The following DGKB variants were observed in gnomAD, a reference collection of about 807,000 sequenced individuals.
DGKB encodes diacylglycerol kinase beta.
A neutral mutation model predicts 114.3 loss-of-function variants in DGKB; 67 were observed. The observed-to-expected ratio is 0.59, with a 90% CI of 0.48 to 0.72. The LOEUF is 0.72. Among genes scored for constraint, DGKB ranks in the 30% least tolerant of loss-of-function variants. The probability of loss-of-function intolerance (pLI) is 0.00; values close to 1 mark genes in which losing one functional copy is unlikely to be tolerated. For synonymous variants in DGKB, 398 were observed against 323.1 expected (o/e 1.23, Z -2.49); for missense variants, 907 against 975.2 (o/e 0.93, Z 0.93).
chr7:14,661,168 C>A (rs1816987181), intron 13 of DGKB, among the ~76,000 whole-genome samples: 1 of 151,670 alleles, frequency 6.6e-6, no homozygotes, highest in Non-Finnish European at 1.5e-5. Flanking sequence ...TCTAAAACAC[C>A]AAAAGCAATG....
intron 1 of DGKB, among the ~76,000 whole-genome samples, chr7:14,899,830 C>G (rs1334528779): frequency 6.6e-6 from 1 of 152,066 alleles, no homozygotes; most frequent in East Asian, 1.9e-4. Context: ...TATGCTCAAC[C>G]CCACCCTGAT....
chr7:14,150,688 T>C (rs1782059360), intron 25 of DGKB, among the ~76,000 whole-genome samples: 1 of 152,070 alleles, frequency 6.6e-6, no homozygotes, highest in Non-Finnish European at 1.5e-5. Flanking sequence ...AATTGATAGT[T>C]GGATAGTTAA....
At chr7:14,585,726 T>A (rs2128733735) in intron 17 of DGKB, among the ~76,000 whole-genome samples, 1 of 152,334 alleles carries the variant, frequency 6.6e-6, no homozygotes, top group East Asian at 1.9e-4. Context: ...ATCAGTGCCA[T>A]GTTTTCCAAC....
At chr7:14,307,897 C>G (rs1406712416) in intron 23 of DGKB, among the ~76,000 whole-genome samples, 1 of 152,114 alleles carries the variant, frequency 6.6e-6, no homozygotes, top group Non-Finnish European at 1.5e-5. Flanking sequence ...TTCTCCCCAG[C>G]TCACATGTGT....
At chr7:14,376,266 G>C (rs1363027734) in intron 21 of DGKB, among the ~76,000 whole-genome samples, 59 of 152,100 alleles carry the variant, frequency 3.9e-4, no homozygotes, top group Non-Finnish European at 4.4e-5. Context: ...ATTTTTCATG[G>C]TTCACCAAGA....
chr7:14,555,646 C>T (rs886912289), intron 20 of DGKB, among the ~76,000 whole-genome samples: 3 of 152,184 alleles, frequency 2.0e-5, no homozygotes, highest in South Asian at 4.1e-4. Flanking sequence ...CATTCTCAGA[C>T]AGTTAAGAAA....
chr7:14,485,185 A>T (rs2128920743), intron 20 of DGKB, among the ~76,000 whole-genome samples: 1 of 150,778 alleles, frequency 6.6e-6, no homozygotes, highest in Admixed American at 6.6e-5. Context: ...TAGGGAGTTG[A>T]TGTTACAGTG....
intron 2 of DGKB, among the ~76,000 whole-genome samples, chr7:14,783,288 A>G (rs934043715): frequency 2.6e-5 from 4 of 152,206 alleles, no homozygotes; most frequent in Non-Finnish European, 5.9e-5. Flanking sequence ...TTCTTATACC[A>G]AAGAGAATAC....
chr7:14,198,481 T>C (rs10280147), intron 23 of DGKB, among the ~76,000 whole-genome samples: 2,631 of 151,954 alleles, frequency 0.017, 83 homozygotes, highest in African/African-American at 0.06. Context: ...CCAACTTCCA[T>C]AGGGTGAAAC....
At chr7:14,818,445 GCCCACTGTGTT>G (rs1157976032) in intron 2 of DGKB, among the ~76,000 whole-genome samples, 1 of 152,076 alleles carries the variant, frequency 6.6e-6, no homozygotes, top group Non-Finnish European at 1.5e-5. Context: ...AGGCTGTGTG[GCCCACTGTGTT>G]CCCCAGCGGA....
At chr7:14,333,213 C>G (rs2215038) in intron 23 of DGKB, among the ~76,000 whole-genome samples, 23,242 of 152,038 alleles carry the variant, frequency 0.15, 2,062 homozygotes, top group Non-Finnish European at 0.21. Context: ...AATCTCAGCA[C>G]TTTGGGAGGC....
chr7:14,167,092 T>C (rs1420265963), intron 25 of DGKB, among the ~76,000 whole-genome samples: 1 of 150,596 alleles, frequency 6.6e-6, no homozygotes, highest in Non-Finnish European at 1.5e-5. Flanking sequence ...GTGCCTGTAG[T>C]CCCAGCTACT....
At chr7:14,919,095 A>ACACAAACACACACACACAC (rs1554345122) in intron 1 of DGKB, among the ~76,000 whole-genome samples, 1 of 114,918 alleles carries the variant, frequency 8.7e-6, no homozygotes, top group East Asian at 3.1e-4. Context: ...CACACACACA[A>ACACAAACACACACACACAC]ACACACACAC....
At chr7:14,725,616 A>G (rs542645117) in intron 5 of DGKB, among the ~76,000 whole-genome samples, 2 of 151,402 alleles carry the variant, frequency 1.3e-5, no homozygotes, top group South Asian at 4.2e-4. Context: ...GTGCAGTGGC[A>G]TGTTCACTAC....
chr7:14,496,919 G>A (rs543777088), intron 20 of DGKB, among the ~76,000 whole-genome samples: 7 of 151,708 alleles, frequency 4.6e-5, no homozygotes, highest in Non-Finnish European at 1.0e-4. Flanking sequence ...GGTGCTTCAA[G>A]GTCTATATTG....
At chr7:14,230,970 T>A (rs991871705) in intron 23 of DGKB, among the ~76,000 whole-genome samples, 1 of 152,080 alleles carries the variant, frequency 6.6e-6, no homozygotes, top group African/African-American at 2.4e-5. Context: ...GTGTCTTGAC[T>A]ACTATTATGC....
At chr7:14,174,551 T>C (rs998688720) in intron 25 of DGKB, among the ~76,000 whole-genome samples, 6 of 152,156 alleles carry the variant, frequency 3.9e-5, no homozygotes, top group African/African-American at 1.4e-4. Flanking sequence ...TTTATTTCTT[T>C]GATTTACTTA....
At chr7:14,540,480 C>G (rs1299272577) in intron 20 of DGKB, among the ~76,000 whole-genome samples, 2 of 152,094 alleles carry the variant, frequency 1.3e-5, no homozygotes, top group Non-Finnish European at 2.9e-5. Flanking sequence ...AAAAAATCAT[C>G]AATCCAATTA....
intron 1 of DGKB, among the ~76,000 whole-genome samples, chr7:14,945,320 T>C (rs1785812205): frequency 6.6e-6 from 1 of 151,800 alleles, no homozygotes; most frequent in Non-Finnish European, 1.5e-5. Flanking sequence ...GGTGTGCTTG[T>C]CTTTGGAGAG....
Sources: allele counts gnomAD v4.1 joint callset (sites outside exome capture counted in the v4.1 genomes callset), GRCh38; gene constraint gnomAD v4.1.1; transcripts MANE v1.5; gene names NCBI Gene and HGNC (gene_info 2026-07-23, HGNC 2026-07-21).